WDTC1: variants seen among roughly 807,000 people sequenced by gnomAD.
WDTC1 encodes WD and tetratricopeptide repeats protein 1.
Under a neutral mutation model 76.0 loss-of-function variants are expected in WDTC1, and 12 were observed. The ratio of observed to expected loss-of-function variants is 0.16; its 90% CI spans 0.10 to 0.26. The LOEUF is 0.26. WDTC1 is among the 10% of genes least tolerant of loss of function. WDTC1 has a pLI of 1.00. For synonymous variants in WDTC1, 326 were observed against 350.8 expected (o/e 0.93, Z 0.79); for missense variants, 511 against 908.8 (o/e 0.56, Z 5.63).
chr1:27,237,213 G>A (rs1158991325), intron 1 of WDTC1, among the ~76,000 whole-genome samples: 1 of 152,100 alleles, frequency 6.6e-6, no homozygotes, highest in Non-Finnish European at 1.5e-5. Context: ...GAGCTCAAGG[G>A]ATTCTCGTAC....
chr1:27,241,214 C>T (rs932280681), intron 1 of WDTC1, among the ~76,000 whole-genome samples: 9 of 152,048 alleles, frequency 5.9e-5, no homozygotes, highest in East Asian at 1.9e-4. Flanking sequence ...CTTAATCCTC[C>T]GTATAGCCAT....
chr1:27,288,045 C>T (rs2013394722), intron 6 of WDTC1, among the ~76,000 whole-genome samples, 184 bp downstream of exon 6: 1 of 152,210 alleles, frequency 6.6e-6, no homozygotes, highest in African/African-American at 2.4e-5. Flanking sequence ...ACCTTCCTCC[C>T]TCTTTGCCCT....
chr1:27,256,423 C>A (rs1027318783), intron 1 of WDTC1, among the ~76,000 whole-genome samples: 2 of 152,200 alleles, frequency 1.3e-5, no homozygotes, highest in Non-Finnish European at 2.9e-5. Flanking sequence ...CACCTCCTTT[C>A]TCACTTTATA....
chr1:27,306,632 C>T lies in WDTC1; in HGVS notation c.*249C>T, dbSNP rs1044571566. ...CAGGAGGGGACACCCCTCCATATGC[C>T]CCCCCCCATCTCCTGCTTTCATGTC... On this transcript the variant is annotated 3_prime_UTR_variant, in exon 16 of 16. Coordinates refer to ENST00000319394, the MANE Select transcript of WDTC1 (RefSeq NM_001276252.2). This position sits in a 1 kb window ranked among gnomAD's most constrained non-coding sequence, Gnocchi z 5.0. The T allele has an allele frequency of 2.7e-5, 15 of 547,436 alleles. No individual in the cohort carries two copies. The highest frequency in any genetic ancestry group is 2.9e-5 in the Non-Finnish European group (9 of 306,296). 33.9% of individuals were successfully genotyped at this position (547,436 alleles called of 1,614,324 possible).
At chr1:27,268,100 T>A (rs2012730255) in intron 3 of WDTC1, among the ~76,000 whole-genome samples, 1 of 152,180 alleles carries the variant, frequency 6.6e-6, no homozygotes. Context: ...AACATAATGC[T>A]CAACAAATAC....
At chr1:27,276,423 C>T (rs543259040) in intron 3 of WDTC1, among the ~76,000 whole-genome samples, 53 of 152,198 alleles carry the variant, frequency 3.5e-4, no homozygotes, top group South Asian at 4.1e-4. Context: ...AGGCCAGGCG[C>T]GGTGACTTAT....
chr1:27,282,426 T>G lies in WDTC1; in HGVS notation c.179+141T>G, dbSNP rs1188392938. ...TGCTGCTGTCTGCCGTTCTTCAGCT[T>G]AGCCCATAATTTTCAACACAATTAA... On this transcript the variant is annotated intron_variant, in intron 4 of 15. Transcript: ENST00000319394. 12 of 750,044 alleles carry G rather than the reference T, an allele frequency of 1.6e-5. No individual in the cohort carries two copies. In the Middle Eastern group the frequency reaches 1.1e-3, roughly 71 times the overall value. 46.5% of individuals were successfully genotyped at this position (750,044 alleles called of 1,614,324 possible).
At chr1:27,304,756 GTAA>G (rs912185795) in intron 14 of WDTC1, 19 of 408,550 alleles carry the variant, frequency 4.7e-5, no homozygotes, top group African/African-American at 3.8e-4. Context: ...GCCCAAGGAG[GTAA>G]TAATGAACTA....
intron 12 of WDTC1, 112 bp downstream of exon 12, chr1:27,298,223 AG>A: frequency 7.3e-7 from 1 of 1,361,576 alleles, no homozygotes; most frequent in South Asian, 1.5e-5. Context: ...GAAAGTGGCA[AG>A]AACATATTGC....
chr1:27,291,145 T>C (rs1477530972), intron 6 of WDTC1, among the ~76,000 whole-genome samples: 1 of 152,206 alleles, frequency 6.6e-6, no homozygotes, highest in African/African-American at 2.4e-5. Flanking sequence ...AGACAGGATT[T>C]GGATGAGCAA....
rs141290760 is a variant in WDTC1 at position 27,260,714 on chromosome 1, C to T, written c.-99-242C>T. 3.3e-3 allele frequency among the ~76,000 whole-genome samples: 508 copies of T among 152,280 alleles called. 3 individuals are homozygous for T. Among genetic ancestry groups the T allele is most frequent in the African/African-American group, 0.012 (486 of 41,556 alleles). On this transcript the variant is annotated intron_variant, in intron 1 of 15. Coordinates refer to ENST00000319394, the MANE Select transcript of WDTC1 (RefSeq NM_001276252.2). ...TACTTATACACAACCTGCCATTTTCCGATGAAGCATAACATATTTCTTCCG... is the reference window on the plus strand; with the variant it reads ...TACTTATACACAACCTGCCATTTTCTGATGAAGCATAACATATTTCTTCCG...
At chr1:27,245,953 T>C (rs2011815990) in intron 1 of WDTC1, among the ~76,000 whole-genome samples, 1 of 152,074 alleles carries the variant, frequency 6.6e-6, no homozygotes, top group Admixed American at 6.6e-5. Flanking sequence ...TGCTAACCAG[T>C]AGTGTCTACT....
chr1:27,258,968 G>C (rs1029858773), intron 1 of WDTC1, among the ~76,000 whole-genome samples: 1 of 152,194 alleles, frequency 6.6e-6, no homozygotes, highest in Admixed American at 6.5e-5. Context: ...CTTCTGTGTG[G>C]CTTCAGAGGT....
intron 1 of WDTC1, among the ~76,000 whole-genome samples, chr1:27,236,078 C>G (rs1266408773): frequency 6.6e-6 from 1 of 152,182 alleles, no homozygotes; most frequent in East Asian, 1.9e-4. Flanking sequence ...CCCTACTAAG[C>G]TTTTCTGTGT....
chr1:27,305,929 G>T lies in WDTC1; in HGVS notation c.1837-257G>T, dbSNP rs556887839. Among the ~76,000 whole-genome samples, 1 of 151,972 alleles carries T rather than the reference G, an allele frequency of 6.6e-6. No individual in the cohort carries two copies. The highest frequency in any genetic ancestry group is 6.6e-5 in the Admixed American group (1 of 15,240). On this transcript the variant is annotated intron_variant, in intron 15 of 15. Transcript: ENST00000319394. The surrounding 1 kb of genome is among the most constrained non-coding windows in gnomAD (Gnocchi z 4.6). ...TATCCTGGTGTGTACTGTCCCCCAC[G>T]TATATCCCAGCATGTTATGACCTGC... is the stretch of plus-strand genomic sequence containing the variant.
chr1:27,295,980 G>C (rs1476819701), intron 9 of WDTC1, among the ~76,000 whole-genome samples: 6 of 152,050 alleles, frequency 3.9e-5, no homozygotes, highest in Admixed American at 3.9e-4. Context: ...TGCCCAAGCT[G>C]GTCTCAAACT....
intron 1 of WDTC1, among the ~76,000 whole-genome samples, chr1:27,248,772 A>G (rs1004194181): frequency 6.6e-6 from 1 of 151,562 alleles, no homozygotes; most frequent in Non-Finnish European, 1.5e-5. Context: ...CAGTCCTCCC[A>G]CCTCAGCCTC....
rs74494120 is a variant in WDTC1 at position 27,239,406 on chromosome 1, C to A, written c.-100+4455C>A. 1.1e-3 allele frequency among the ~76,000 whole-genome samples: 164 copies of A among 150,372 alleles called. 3 individuals carry two copies. In the East Asian group the frequency reaches 0.029, roughly 27 times the overall value. On this transcript the variant is annotated intron_variant, in intron 1 of 15. Coordinates refer to ENST00000319394, the MANE Select transcript of WDTC1 (RefSeq NM_001276252.2). Reference sequence around the variant, plus strand: ...GTGTGGTAGCATGTGCCTGTATTCCCATCTACCCAGGAATCTGAGGCGGGG... The same window carrying A: ...GTGTGGTAGCATGTGCCTGTATTCCAATCTACCCAGGAATCTGAGGCGGGG...
intron 13 of WDTC1, among the ~76,000 whole-genome samples, chr1:27,302,368 T>C (rs1309032918): frequency 1.3e-5 from 2 of 152,002 alleles, no homozygotes; most frequent in African/African-American, 4.8e-5. Flanking sequence ...TTGATGGCAT[T>C]CTGGGGTTCT....
Sources: allele counts gnomAD v4.1 joint callset (sites outside exome capture counted in the v4.1 genomes callset), GRCh38; gene constraint gnomAD v4.1.1; non-coding constraint Gnocchi (gnomAD v3.1); transcripts MANE v1.5; gene names NCBI Gene and HGNC (gene_info 2026-07-23, HGNC 2026-07-21).